The following IFT140 variants were observed in gnomAD, a reference collection of about 807,000 sequenced individuals.
IFT140 encodes intraflagellar transport 140.
IFT140 carries 133 observed loss-of-function variants against 164.6 expected under a neutral mutation model. That is an observed-to-expected ratio of 0.81 (90% CI 0.70 to 0.93). IFT140 has a LOEUF of 0.93. IFT140 is among the 40% of genes least tolerant of loss of function. IFT140 has a pLI of 0.00. For missense variants in IFT140, 2,045 were observed against 1,972.3 expected (o/e 1.04, Z -0.70); for synonymous variants, 860 against 817.3 (o/e 1.05, Z -0.89).
intron 4 of IFT140, among the ~76,000 whole-genome samples, chr16:1,598,683 G>A (rs1193269235): frequency 6.6e-6 from 1 of 152,262 alleles, no homozygotes; most frequent in Non-Finnish European, 1.5e-5. Flanking sequence ...CAAGGACAGT[G>A]GTTTGGGCAT....
intron 12 of IFT140, among the ~76,000 whole-genome samples, chr16:1,581,636 AC>A (rs1376446094): frequency 6.7e-6 from 1 of 150,272 alleles, no homozygotes; most frequent in African/African-American, 2.5e-5. Context: ...TATACACAAA[AC>A]AAAAAATATC....
At position 1,568,123 on chromosome 16, in the gene IFT140, A is replaced by G. The variant is rs965263584; in HGVS notation, c.1770+94T>C. ...CAGAACACAGGACAGGAAGACTTGCACAGGAGGAGAGAGGCACGAGCAGGC... is the reference window on the plus strand; with the variant it reads ...CAGAACACAGGACAGGAAGACTTGCGCAGGAGGAGAGAGGCACGAGCAGGC... On this transcript the variant is annotated intron_variant, in intron 15 of 30. Coordinates refer to ENST00000426508, the MANE Select transcript of IFT140 (RefSeq NM_014714.4). 3 of 832,074 alleles carry G rather than the reference A, an allele frequency of 3.6e-6. No homozygotes were observed. In the Admixed American group the frequency reaches 6.1e-5, roughly 17 times the overall value. 51.5% of individuals were successfully genotyped at this position (832,074 alleles called of 1,614,324 possible).
At position 1,568,202 on chromosome 16, in the gene IFT140, G is replaced by A. The variant is rs374526643; in HGVS notation, c.1770+15C>T. 4.5e-6 allele frequency: 7 copies of A among 1,566,664 alleles called. No individual in the cohort carries two copies. In the Admixed American group the frequency reaches 5.5e-5, roughly 12 times the overall value. ...GAGGAGGCGGAGTGGGCGAGTGGAC[G>A]AGGGGTGGCCTCACCTTGCTGGGGA... On this transcript the variant is annotated intron_variant, in intron 15 of 30. Coordinates refer to ENST00000426508, the MANE Select transcript of IFT140 (RefSeq NM_014714.4).
Position 1,558,062 on chromosome 16 carries a change from G to T in IFT140, c.2272C>A (p.Pro758Thr). ...TCCAGCCCCACAAAGTCTCGCAGGG[G>T]TCTCCTGGACACCATCTGAGGGATG... is the stretch of plus-strand genomic sequence containing the variant. ...HHIPQMVSRR[P>T]LRDFVGLEDC... The change falls in exon 19 of 31, where the codon CCC becomes ACC. Residue 758 changes from proline to threonine, a missense_variant. By Grantham distance (38) the Pro-to-Thr change is conservative. Coordinates refer to ENST00000426508, the MANE Select transcript of IFT140 (RefSeq NM_014714.4). 6.2e-7 allele frequency: 1 copy of T among 1,614,082 alleles called. No individual in the cohort carries two copies. Among genetic ancestry groups the T allele is most frequent in the Non-Finnish European group, 8.5e-7 (1 of 1,180,022 alleles).
intron 19 of IFT140, among the ~76,000 whole-genome samples, chr16:1,528,312 CACGCACGCATGCACGCACGTGT>C (rs1567333425): frequency 2.2e-5 from 3 of 136,832 alleles, no homozygotes; most frequent in South Asian, 2.3e-4. Flanking sequence ...GCCACACACA[CACGCACGCATGCACGCACGTGT>C]GCACACACAC....
chr16:1,558,229 GA>G (rs771672941), intron 18 of IFT140, 95 bp from the exon 19 acceptor site: 41 of 1,213,956 alleles, frequency 3.4e-5, no homozygotes, highest in Non-Finnish European at 4.6e-5. Flanking sequence ...CCTTATGGGG[GA>G]GAAATCCCTC....
At chr16:1,605,794 G>T (rs1279040419) in intron 3 of IFT140, among the ~76,000 whole-genome samples, 2 of 152,104 alleles carry the variant, frequency 1.3e-5, no homozygotes, top group African/African-American at 4.8e-5. Context: ...TCTGTTAGGG[G>T]GTGAATTGTG....
Position 1,602,599 on chromosome 16 carries a change from GGAT to G in IFT140, c.148-11_148-9del. 9 of 1,608,604 alleles carry G rather than the reference GGAT, an allele frequency of 5.6e-6. No homozygotes were observed. The highest frequency in any genetic ancestry group is 7.6e-6 in the Non-Finnish European group (9 of 1,179,352). On this transcript the variant is annotated splice_polypyrimidine_tract_variant and intron_variant, in intron 3 of 30. Coordinates refer to ENST00000426508, the MANE Select transcript of IFT140 (RefSeq NM_014714.4). ...ATCTGGCACGCACTCCCCCTGCATT[GGAT>G]GAGAGGCAAATTCCCACAGTTCAGA...
At chr16:1,578,929 T>TCAC (rs2034414844) in intron 13 of IFT140, among the ~76,000 whole-genome samples, 2 of 152,134 alleles carry the variant, frequency 1.3e-5, no homozygotes, top group Non-Finnish European at 2.9e-5. Flanking sequence ...CCAGGCTGGT[T>TCAC]TCAAACCGCT....
rs200557446 is a variant in IFT140, at chr16:1,571,553, A to G, written c.1525-19T>C. The G allele has an allele frequency of 4.4e-6, 7 of 1,605,308 alleles. No individual in the cohort carries two copies. The highest frequency in any genetic ancestry group is 1.7e-4 in the Middle Eastern group (1 of 6,020). On this transcript the variant is annotated intron_variant, in intron 13 of 30. Coordinates refer to ENST00000426508, the MANE Select transcript of IFT140 (RefSeq NM_014714.4). The stretch of plus-strand genomic sequence containing the variant: ...CAGTCCCCTGAGGAAAAGGAACAAG[A>G]AATGGATATATTTCATGTTAGTTAC...
intron 4 of IFT140, among the ~76,000 whole-genome samples, chr16:1,594,653 G>A (rs1166571777): frequency 6.6e-6 from 1 of 152,254 alleles, no homozygotes; most frequent in Non-Finnish European, 1.5e-5. Context: ...AACCATCACA[G>A]TCGCAACTGC....
At position 1,587,953 on chromosome 16, in the gene IFT140, G is replaced by T. The variant is rs768675467; in HGVS notation, c.882C>A (p.Ala294=). The part of the protein sequence containing the change: ...ALIEGSLLVM[A]VGEAALRFWD... ...CTCACCTGAGGGCAGCCTCCCCGAC[G>T]GCCATCACGAGAAGGCTGCCTTCAA... is the stretch of plus-strand genomic sequence containing the variant. Residue 294 remains alanine (A), a synonymous_variant, in exon 8 of 31, where the codon GCC becomes GCA. Coordinates refer to ENST00000426508, the MANE Select transcript of IFT140 (RefSeq NM_014714.4). 4 of 1,612,796 alleles carry T rather than the reference G, an allele frequency of 2.5e-6. No individual in the cohort carries two copies. Among genetic ancestry groups the T allele is most frequent in the Non-Finnish European group, 3.4e-6 (4 of 1,179,410 alleles).
chr16:1,537,289 C>T (rs751470295), intron 19 of IFT140, among the ~76,000 whole-genome samples: 5 of 152,372 alleles, frequency 3.3e-5, no homozygotes, highest in Admixed American at 6.5e-5. Context: ...TCGGGGTTTC[C>T]GGATGTCGCT....
intron 19 of IFT140, chr16:1,542,177 C>CA: frequency 7.7e-7 from 1 of 1,301,154 alleles, no homozygotes; most frequent in Non-Finnish European, 1.0e-6. Flanking sequence ...GGGGAAGCTG[C>CA]AGGCCATACC....
chr16:1,559,973 AAAG>A (rs776587866), intron 18 of IFT140, among the ~76,000 whole-genome samples: 1 of 152,246 alleles, frequency 6.6e-6, no homozygotes, highest in Non-Finnish European at 1.5e-5. Flanking sequence ...ATGAGAGAGA[AAAG>A]AACAGATGCA....
chr16:1,514,369 C>CAAATAAATAAATAAATAAAT lies in IFT140; in HGVS notation c.4183-3239_4183-3220dup, dbSNP rs544738443. 148 of 151,892 alleles carry CAAATAAATAAATAAATAAAT rather than the reference C, an allele frequency of 9.7e-4. 2 individuals are homozygous for CAAATAAATAAATAAATAAAT. The highest frequency in any genetic ancestry group is 3.4e-3 in the African/African-American group (140 of 41,374). The allele number at this position is 151,892 out of a possible 1,614,324, so 9.4% of individuals were successfully genotyped here. A position where few individuals can be genotyped will look rare whatever the true frequency, so the allele number is the denominator to read the frequency against. Reference sequence around the variant, plus strand: ...TGGGCGATAGAGCGACACTCCATCTCAAATAAATAAATAAATAAATAAATA... The same window carrying CAAATAAATAAATAAATAAAT: ...TGGGCGATAGAGCGACACTCCATCTCAAATAAATAAATAAATAAATAAATAAATAAATAAATAAATAAATA... On this transcript the variant is annotated intron_variant, in intron 30 of 30. Transcript: ENST00000426508.
At chr16:1,513,890 G>A (rs1183856662) in intron 30 of IFT140, among the ~76,000 whole-genome samples, 1 of 142,970 alleles carries the variant, frequency 7.0e-6, no homozygotes, top group African/African-American at 2.7e-5. Context: ...AGCCAAGATG[G>A]TCTCCATCTC....
intron 26 of IFT140, among the ~76,000 whole-genome samples, chr16:1,522,811 C>T (rs372038010): frequency 6.6e-6 from 1 of 152,218 alleles, no homozygotes; most frequent in African/African-American, 2.4e-5. Context: ...GCACTCCAGC[C>T]TTTCCACCCT....
intron 13 of IFT140, chr16:1,580,419 A>C: frequency 4.7e-6 from 1 of 213,024 alleles, no homozygotes; most frequent in Non-Finnish European, 9.5e-6. Context: ...GTTCTGTGAT[A>C]GAGATCTGAC....
Sources: gnomAD v4.1 joint callset for allele counts (sites outside exome capture counted in the v4.1 genomes callset) on GRCh38, gnomAD v4.1.1 for gene constraint, MANE v1.5 for transcripts, NCBI Gene and HGNC (gene_info 2026-07-23, HGNC 2026-07-21) for gene names.